The following TDRD5 variants were observed in gnomAD, a reference collection of about 807,000 sequenced individuals.
TDRD5 encodes the protein tudor domain containing 5.
A neutral mutation model predicts 120.6 loss-of-function variants in TDRD5; 41 were observed. That is an observed-to-expected ratio of 0.34 (90% CI 0.26 to 0.44). TDRD5 has a LOEUF of 0.44. Ranked by LOEUF, TDRD5 falls within the 20% of genes least tolerant of loss-of-function variation. TDRD5 has a pLI of 1.00. For missense variants in TDRD5, 1,006 were observed against 1,221.2 expected (o/e 0.82, Z 2.63); for synonymous variants, 430 against 433.7 (o/e 0.99, Z 0.11).
At chr1:179,620,440 A>C (rs80063602) in intron 5 of TDRD5, among the ~76,000 whole-genome samples, 2,811 of 152,254 alleles carry the variant, frequency 0.018, 52 homozygotes, top group East Asian at 0.068. Flanking sequence ...AAAATAGAAG[A>C]TCAAATACAT....
At chr1:179,621,150 A>T (rs1381351075) in intron 6 of TDRD5, 59 bp downstream of exon 6, 1 of 1,502,106 alleles carries the variant, frequency 6.7e-7, no homozygotes, top group South Asian at 1.3e-5. Context: ...CTTGTGATAG[A>T]TGGAATTTTG....
chr1:179,611,064 C>CATTTTTTT (rs1676250443), intron 4 of TDRD5, among the ~76,000 whole-genome samples: 1 of 144,976 alleles, frequency 6.9e-6, no homozygotes, highest in Admixed American at 6.9e-5. Context: ...TGTTGTGATA[C>CATTTTTTT]TTTTTTTTTT....
At chr1:179,606,398 C>A (rs564906255) in intron 4 of TDRD5, among the ~76,000 whole-genome samples, 1 of 151,786 alleles carries the variant, frequency 6.6e-6, no homozygotes, top group African/African-American at 2.4e-5. Flanking sequence ...TGGCTTATTT[C>A]TCAATCTTTT....
At chr1:179,603,225 T>C (rs1415017483) in intron 4 of TDRD5, among the ~76,000 whole-genome samples, 1 of 152,212 alleles carries the variant, frequency 6.6e-6, no homozygotes, top group Admixed American at 6.5e-5. Flanking sequence ...TACATTAATC[T>C]TGTATCTGGA....
At chr1:179,685,818 T>C (rs563084434) in intron 17 of TDRD5, among the ~76,000 whole-genome samples, 4 of 152,218 alleles carry the variant, frequency 2.6e-5, no homozygotes, top group East Asian at 3.9e-4. Flanking sequence ...TGAATGGGAG[T>C]TCACTCATGA....
intron 9 of TDRD5, among the ~76,000 whole-genome samples, chr1:179,637,634 C>A (rs867897744): frequency 1.3e-5 from 2 of 151,526 alleles, no homozygotes; most frequent in Non-Finnish European, 2.9e-5. Flanking sequence ...GTAGTCCCAG[C>A]TCCCGAGGAG....
At chr1:179,681,443 C>T (rs1036125720) in intron 17 of TDRD5, among the ~76,000 whole-genome samples, 40 of 152,058 alleles carry the variant, frequency 2.6e-4, no homozygotes, top group Admixed American at 1.7e-3. Flanking sequence ...ATATCCAGTT[C>T]TTGCTATTTT....
At chr1:179,595,552 CT>C in intron 3 of TDRD5, 75 bp from the exon 4 acceptor site, 2 of 1,328,682 alleles carry the variant, frequency 1.5e-6, no homozygotes, top group Non-Finnish European at 1.0e-6. Flanking sequence ...ACAGTAGCCT[CT>C]GTATGTAGCC....
At position 179,635,893 on chromosome 1, in the gene TDRD5, A is replaced by C; in HGVS notation, c.1520+6A>C. The stretch of plus-strand genomic sequence containing the variant: ...GACATGATGATTGAAATGCGGTAGG[A>C]GTCTGTTGTTTTCAATGTGTTTTTC... On this transcript the variant is annotated splice_donor_region_variant and intron_variant, in intron 9 of 17. Transcript: ENST00000444136. The C allele has an allele frequency of 6.2e-7, 1 of 1,610,524 alleles. No homozygotes were observed. The highest frequency in any genetic ancestry group is 8.5e-7 in the Non-Finnish European group (1 of 1,177,700).
intron 17 of TDRD5, among the ~76,000 whole-genome samples, chr1:179,671,733 G>A (rs191779959): frequency 1.1e-4 from 16 of 151,852 alleles, no homozygotes; most frequent in African/African-American, 2.7e-4. Flanking sequence ...TTTATCCCTC[G>A]AAACCCCCCA....
intron 11 of TDRD5, among the ~76,000 whole-genome samples, chr1:179,646,431 T>C (rs1572392929): frequency 1.3e-5 from 2 of 152,032 alleles, no homozygotes; most frequent in Non-Finnish European, 2.9e-5. Flanking sequence ...TCTCAATAAA[T>C]TAGGTATTGA....
rs1217223755 is a variant in TDRD5 at position 179,640,370 on chromosome 1, C to T, written c.1734-9C>T. 1.2e-6 allele frequency: 2 copies of T among 1,614,060 alleles called. No homozygotes were observed. Among genetic ancestry groups the T allele is most frequent in the Non-Finnish European group, 1.7e-6 (2 of 1,179,944 alleles). ...AGATTGAACTTACATATTTGATTAT[C>T]TATTGCAGGTGCTGCTACACAAAGC... is the stretch of plus-strand genomic sequence containing the variant. On this transcript the variant is annotated splice_polypyrimidine_tract_variant and intron_variant, in intron 10 of 17. Coordinates refer to ENST00000444136, the MANE Select transcript of TDRD5 (RefSeq NM_001199085.3).
Position 179,676,961 on chromosome 1 carries a change from CTCT to C in TDRD5, c.2860+7566_2860+7568del, listed in dbSNP as rs1274548488. ...ATATGTTTTCCATACTTTTAGATTT[CTCT>C]TCTTCTTCAGGAACACCAGCTATTC... On this transcript the variant is annotated intron_variant, in intron 17 of 17. Transcript: ENST00000444136. 5.9e-5 allele frequency among the ~76,000 whole-genome samples: 9 copies of C among 152,274 alleles called. No individual in the cohort carries two copies. The South Asian group carries it at 1.0e-3, about 18-fold the overall frequency.
rs942580509 is a variant in TDRD5, at chr1:179,654,199, A to G, written c.2161-2A>G. 2 of 1,525,654 alleles carry G rather than the reference A, an allele frequency of 1.3e-6. No homozygotes were observed. Among genetic ancestry groups the G allele is most frequent in the African/African-American group, 2.8e-5 (2 of 71,842 alleles). 94.5% of individuals were successfully genotyped at this position (1,525,654 alleles called of 1,614,324 possible). A position where few individuals can be genotyped will look rare whatever the true frequency, so the allele number is the denominator to read the frequency against. On this transcript the variant is annotated splice_acceptor_variant, in intron 13 of 17. Coordinates refer to ENST00000444136, the MANE Select transcript of TDRD5 (RefSeq NM_001199085.3). LOFTEE classifies it high-confidence loss of function. ...AAAGGAATTCTCTTTCATATCTACT[A>G]GCAAGATATTAATGATGAAAAGTCT... is the stretch of plus-strand genomic sequence containing the variant.
At chr1:179,673,957 C>T (rs1040462380) in intron 17 of TDRD5, among the ~76,000 whole-genome samples, 8 of 152,166 alleles carry the variant, frequency 5.3e-5, no homozygotes, top group Middle Eastern at 3.4e-3. Flanking sequence ...TTGGATGAGT[C>T]GTTAGGGTTT....
At chr1:179,657,291 A>G (rs1037525312) in intron 14 of TDRD5, among the ~76,000 whole-genome samples, 2 of 152,064 alleles carry the variant, frequency 1.3e-5, no homozygotes, top group African/African-American at 4.8e-5. Flanking sequence ...TTATTTCTTC[A>G]ACAGTGTTAT....
intron 4 of TDRD5, among the ~76,000 whole-genome samples, chr1:179,601,260 T>C (rs1047092650): frequency 6.6e-6 from 1 of 152,178 alleles, no homozygotes; most frequent in Non-Finnish European, 1.5e-5. Flanking sequence ...TTTGGGTTTT[T>C]GTTTGTTTGT....
intron 17 of TDRD5, among the ~76,000 whole-genome samples, chr1:179,675,273 A>ATTTTTTTTT (rs1172444253): frequency 2.3e-4 from 15 of 66,622 alleles, no homozygotes; most frequent in African/African-American, 4.3e-4. Context: ...TATTATTATT[A>ATTTTTTTTT]TTTTTTTTTT....
rs771908899 is a variant in TDRD5 at position 179,672,247 on chromosome 1, C to T, written c.2860+2843C>T. On this transcript the variant is annotated intron_variant, in intron 17 of 17. Transcript: ENST00000444136. ...TTCTTACCAATAGCATAAAAGCATT[C>T]CCTTTCCACCGCATGCATGCCAACA... 6.6e-5 allele frequency among the ~76,000 whole-genome samples: 10 copies of T among 152,228 alleles called. 1 individual carries two copies. The highest frequency in any genetic ancestry group is 2.0e-4 in the Admixed American group (3 of 15,286).
Sources: allele counts gnomAD v4.1 joint callset (sites outside exome capture counted in the v4.1 genomes callset), GRCh38; gene constraint gnomAD v4.1.1; transcripts MANE v1.5; gene names NCBI Gene and HGNC (gene_info 2026-07-23, HGNC 2026-07-21).